The following TSPAN1 variants were observed in gnomAD, a reference collection of about 807,000 sequenced individuals.
TSPAN1 encodes tetraspanin 1.
A neutral mutation model predicts 26.9 loss-of-function variants in TSPAN1; 23 were observed. That is an observed-to-expected ratio of 0.85 (90% CI 0.62 to 1.21). The LOEUF is 1.21. Among genes scored for constraint, TSPAN1 ranks in the 50% most tolerant of loss-of-function variants. The probability of loss-of-function intolerance (pLI) is 0.00; values close to 1 mark genes in which losing one functional copy is unlikely to be tolerated. For synonymous variants in TSPAN1, 115 were observed against 114.8 expected, an observed-to-expected ratio of 1.00 and a Z score of -0.01; for missense variants, 283 against 298.4, an observed-to-expected ratio of 0.95 and a Z score of 0.38.
rs138313004 is a variant in TSPAN1 at position 46,176,084 on chromosome 1, C to T, written c.-142+675C>T. The T allele has an allele frequency of 3.5e-3, 3,040 of 870,646 alleles. 64 individuals are homozygous for T. In the African/African-American group the frequency reaches 0.045, roughly 13 times the overall value. 53.9% of individuals were successfully genotyped at this position (870,646 alleles called of 1,614,324 possible). On this transcript the variant is annotated intron_variant, in intron 1 of 8. Transcript: ENST00000372003. ...TAGAGATGGGATTTCACCGTGTTAG[C>T]CAGGATGGTCTCGATCTCCTGACCT...
the TSPAN1 span, chr1:46,192,696 G>T: frequency 6.2e-7 from 1 of 1,600,124 alleles, no homozygotes. Context: ...CTCCTTCCTG[G>T]AGTACCTCCT....
chr1:46,188,590 C>G, downstream of TSPAN1: 2 of 1,437,260 alleles, frequency 1.4e-6, no homozygotes, highest in South Asian at 2.8e-5. Flanking sequence ...CTGTGGAGGA[C>G]AGTAAGGAAA....
At chr1:46,183,827 C>A in intron 3 of TSPAN1, 1 of 356,806 alleles carries the variant, frequency 2.8e-6, no homozygotes, top group Non-Finnish European at 5.4e-6. Flanking sequence ...GTGTTCTAGG[C>A]ACCCATAGCC....
the TSPAN1 span, chr1:46,196,173 A>G: frequency 6.3e-7 from 1 of 1,585,798 alleles, no homozygotes; most frequent in Non-Finnish European, 8.6e-7. The surrounding 1 kb of genome is among the most constrained non-coding windows in gnomAD (Gnocchi z 4.4). Context: ...TTGAAACATC[A>G]CCTCCTGCCT....
Position 46,175,260 on chromosome 1 carries a change from C to T in TSPAN1, c.-291C>T, listed in dbSNP as rs1657099987. The T allele has an allele frequency of 4.2e-6, 1 of 235,634 alleles. No individual in the cohort carries two copies. The allele number at this position is 235,634 out of a possible 1,614,324, so 14.6% of individuals were successfully genotyped here. A position where few individuals can be genotyped will look rare whatever the true frequency, so the allele number is the denominator to read the frequency against. On this transcript the variant is annotated 5_prime_UTR_variant, in exon 1 of 9. Coordinates refer to ENST00000372003, the MANE Select transcript of TSPAN1 (RefSeq NM_005727.4). ...AAGATGTTTACAGAGACCCTTCTCC[C>T]TGTGCAGTTAGGAGTGTAAGGCAAG...
At chr1:46,179,619 G>A (rs1225018787) in intron 1 of TSPAN1, among the ~76,000 whole-genome samples, 2 of 152,270 alleles carry the variant, frequency 1.3e-5, no homozygotes, top group Non-Finnish European at 1.5e-5. Context: ...TACATCAGGC[G>A]TGCTGGAGCA....
chr1:46,177,330 T>C (rs367942355), intron 1 of TSPAN1, among the ~76,000 whole-genome samples: 27 of 137,622 alleles, frequency 2.0e-4, no homozygotes, highest in African/African-American at 6.9e-4. Flanking sequence ...AGTGAAACTC[T>C]GTCTCAAAAA....
At position 46,183,934 on chromosome 1, in the gene TSPAN1, T is replaced by C; in HGVS notation, c.58-257T>C. The C allele has an allele frequency of 7.3e-6, 4 of 547,816 alleles. No individual in the cohort carries two copies. In the South Asian group the frequency reaches 8.4e-5, roughly 11 times the overall value. The allele number at this position is 547,816 out of a possible 1,614,324, so 33.9% of individuals were successfully genotyped here. On this transcript the variant is annotated intron_variant, in intron 3 of 8. Coordinates refer to ENST00000372003, the MANE Select transcript of TSPAN1 (RefSeq NM_005727.4). Reference sequence around the variant, plus strand: ...GCAGTGAGGGAAAGTCTTGCCCCTCTGCCCACCCTGAGGATATTTCTAGAA... The same window carrying C: ...GCAGTGAGGGAAAGTCTTGCCCCTCCGCCCACCCTGAGGATATTTCTAGAA...
In TSPAN1 at chr1:46,185,245, G is replaced by A. The variant is rs776850029; in HGVS notation, c.615G>A (p.Leu205=). 1.2e-6 allele frequency: 2 copies of A among 1,614,202 alleles called. No individual in the cohort carries two copies. The highest frequency in any genetic ancestry group is 8.5e-7 in the Non-Finnish European group (1 of 1,180,044). ...TGAAGGGTTGCTTCAATCAGCTTTT[G>A]TATGACATCCGAACTAATGCAGTCA... is the stretch of plus-strand genomic sequence containing the variant. ...QKVEGCFNQL[L]YDIRTNAVTV... The change falls in exon 8 of 9, where the codon TTG becomes TTA. Residue 205 remains leucine, a synonymous_variant. Coordinates refer to ENST00000372003, the MANE Select transcript of TSPAN1 (RefSeq NM_005727.4).
At chr1:46,190,117 G>A, downstream of TSPAN1, 1 of 623,736 alleles carries the variant, frequency 1.6e-6, no homozygotes, top group South Asian at 2.7e-5. Flanking sequence ...TTTTTTTTTT[G>A]AGATGGAGTC....
At chr1:46,181,249 A>G in intron 3 of TSPAN1, 85 bp downstream of exon 3, 4 of 1,359,072 alleles carry the variant, frequency 2.9e-6, no homozygotes, top group Non-Finnish European at 3.1e-6. Context: ...GGAATGGGAG[A>G]CTGCTATGCC....
chr1:46,189,874 T>G (rs1657613509), downstream of TSPAN1: 1 of 1,613,900 alleles, frequency 6.2e-7, no homozygotes, highest in Non-Finnish European at 8.5e-7. Flanking sequence ...TGGGTCCAGG[T>G]GGTGAAGTCA....
rs1657379201 is a variant in TSPAN1, at chr1:46,184,394, G to A, written c.261G>A (p.Val87=). 1 of 1,613,948 alleles carries A rather than the reference G, an allele frequency of 6.2e-7. No homozygotes were observed. The highest frequency in any genetic ancestry group is 8.5e-7 in the Non-Finnish European group (1 of 1,180,000). ...AGACTGAGAGCAAGTGTGCCCTCGT[G>A]ACGGTGTGTGAAACCCAGCTCCACA... ...GAKTESKCAL[V]TFFFILLLIF... The change falls in exon 4 of 9, where the codon GTG becomes GTA. Residue 87 remains valine (V), a synonymous_variant. Transcript: ENST00000372003.
intron 3 of TSPAN1, chr1:46,183,873 T>C (rs1336996369): frequency 2.3e-6 from 1 of 438,838 alleles, no homozygotes. Flanking sequence ...CTCACCTGCC[T>C]GTTTTCAATC....
At chr1:46,190,753 G>C (rs769180238), downstream of TSPAN1, 2 of 1,613,872 alleles carry the variant, frequency 1.2e-6, no homozygotes, top group Non-Finnish European at 1.7e-6. Flanking sequence ...ACCTGGAACC[G>C]TGTTGAACTT....
Position 46,184,372 on chromosome 1 carries a change from C to T in TSPAN1, c.239C>T (p.Thr80Ile). 2 of 1,614,172 alleles carry T rather than the reference C, an allele frequency of 1.2e-6. No individual in the cohort carries two copies. The highest frequency in any genetic ancestry group is 1.7e-6 in the Non-Finnish European group (2 of 1,180,018). ...TTCCTGGGCTGCTATGGTGCTAAGACTGAGAGCAAGTGTGCCCTCGTGACG... is the reference window on the plus strand; with the variant it reads ...TTCCTGGGCTGCTATGGTGCTAAGATTGAGAGCAAGTGTGCCCTCGTGACG... ...LGFLGCYGAKTESKCALVTFF... is the reference protein window; with the variant it reads ...LGFLGCYGAKIESKCALVTFF... Residue 80 changes from threonine to isoleucine, a missense_variant, in exon 4 of 9, where the codon ACT becomes ATT. By Grantham distance (89) the Thr-to-Ile change is moderately conservative. Transcript: ENST00000372003.
chr1:46,194,681 G>A, the TSPAN1 span: 6 of 1,614,242 alleles, frequency 3.7e-6, no homozygotes, highest in East Asian at 8.9e-5. Context: ...AGGGCCATGG[G>A]GGCCCAGACA....
the TSPAN1 span, chr1:46,192,718 C>T: frequency 6.3e-7 from 1 of 1,597,496 alleles, no homozygotes; most frequent in Non-Finnish European, 8.5e-7. Flanking sequence ...CCCCCAAATC[C>T]CCACTGTCTC....
downstream of TSPAN1, chr1:46,189,649 C>A: frequency 2.6e-6 from 4 of 1,557,504 alleles, no homozygotes; most frequent in Middle Eastern, 1.8e-4. Flanking sequence ...GCCCAGCCCC[C>A]ACCCCTCCTC....
Sources: allele counts gnomAD v4.1 joint callset (sites outside exome capture counted in the v4.1 genomes callset), GRCh38; gene constraint gnomAD v4.1.1; non-coding constraint Gnocchi (gnomAD v3.1); transcripts MANE v1.5; gene names NCBI Gene and HGNC (gene_info 2026-07-23, HGNC 2026-07-21).